The following SPNS3 variants were observed in gnomAD, a reference collection of about 807,000 sequenced individuals.
SPNS3 encodes the protein SPNS lysolipid transporter 3, sphingosine-1-phosphate (putative).
A neutral mutation model predicts 54.4 loss-of-function variants in SPNS3; 51 were observed. The observed-to-expected ratio is 0.94, with a 90% CI of 0.75 to 1.18. The LOEUF (loss-of-function observed/expected upper bound fraction) is 1.18. Among genes scored for constraint, SPNS3 ranks in the 50% most tolerant of loss-of-function variants. The pLI is 0.00. For synonymous variants in SPNS3, 309 were observed against 294.7 expected, an observed-to-expected ratio of 1.05 and a Z score of -0.50; for missense variants, 669 against 677.4, an observed-to-expected ratio of 0.99 and a Z score of 0.14.
intron 9 of SPNS3, among the ~76,000 whole-genome samples, chr17:4,485,630 G>A (rs559196057): frequency 2.0e-5 from 3 of 152,114 alleles, no homozygotes; most frequent in South Asian, 2.1e-4. Context: ...TCCTGACCTC[G>A]GGTGATCCAC....
chr17:4,485,178 T>C (rs1348592074), intron 9 of SPNS3: 1 of 152,106 alleles, frequency 6.6e-6, no homozygotes, highest in Non-Finnish European at 1.5e-5. Context: ...GCATCCTGTC[T>C]CAGAGCGTTA....
At chr17:4,487,646 C>T in intron 11 of SPNS3, among the ~76,000 whole-genome samples, 160 bp from the exon 12 acceptor site, 1 of 152,236 alleles carries the variant, frequency 6.6e-6, no homozygotes, top group South Asian at 2.1e-4. Flanking sequence ...GTGCCTAGAC[C>T]ACGCCAGTGG....
intron 9 of SPNS3, among the ~76,000 whole-genome samples, chr17:4,485,865 C>T (rs1029983619): frequency 1.4e-4 from 22 of 152,362 alleles, no homozygotes; most frequent in Admixed American, 7.2e-4. Flanking sequence ...GGCATGCACC[C>T]GCTCTTCGCC....
chr17:4,449,562 T>C (rs1971103779), intron 7 of SPNS3, among the ~76,000 whole-genome samples, 175 bp downstream of exon 7: 1 of 152,162 alleles, frequency 6.6e-6, no homozygotes. Flanking sequence ...TGGCTCTGGC[T>C]GAGCCTCTGC....
At position 4,487,201 on chromosome 17, in the gene SPNS3, A is replaced by AGGT. The variant is rs1972345863; in HGVS notation, c.1451-603_1451-601dup. 2.0e-5 allele frequency among the ~76,000 whole-genome samples: 3 copies of AGGT among 147,112 alleles called. No homozygotes were observed. In the South Asian group the frequency reaches 6.5e-4, roughly 32 times the overall value. On this transcript the variant is annotated intron_variant, in intron 11 of 11. Coordinates refer to ENST00000355530, the MANE Select transcript of SPNS3 (RefSeq NM_182538.5). ...AAAAAAAAAAAAAAAAGGGACAGGT[A>AGGT]GGTGCAGGCTGCAAGGATCCCCACT...
chr17:4,451,104 G>A lies in SPNS3; in HGVS notation c.923+1717G>A, dbSNP rs151231566. On this transcript the variant is annotated intron_variant, in intron 7 of 11. Transcript: ENST00000355530. ...CAATCCTAAGTCTCATGAATATCTC[G>A]AGAACCTGCCAAGGTCAGCCCAGAC... 6.9e-3 allele frequency among the ~76,000 whole-genome samples: 1,047 copies of A among 152,120 alleles called. 6 individuals are homozygous for A. Among genetic ancestry groups the A allele is most frequent in the African/African-American group, 0.023 (943 of 41,504 alleles).
intron 8 of SPNS3, among the ~76,000 whole-genome samples, chr17:4,466,862 C>CAA (rs1971689850): frequency 6.6e-6 from 1 of 152,074 alleles, no homozygotes; most frequent in Non-Finnish European, 1.5e-5. Flanking sequence ...AACAAACAAA[C>CAA]ACCATAGTAT....
intron 6 of SPNS3, 80 bp from the exon 7 acceptor site, chr17:4,449,155 G>T (rs1971085425): frequency 6.6e-7 from 1 of 1,507,380 alleles, no homozygotes; most frequent in Non-Finnish European, 8.9e-7. Flanking sequence ...TTCCTAGACT[G>T]CCCAGGAGTG....
At chr17:4,477,869 T>C (rs369520172) in intron 8 of SPNS3, among the ~76,000 whole-genome samples, 1 of 152,022 alleles carries the variant, frequency 6.6e-6, no homozygotes, top group African/African-American at 2.4e-5. Context: ...AGGTGCCTTA[T>C]CAGTGTATAC....
At chr17:4,452,388 C>T (rs1304312998) in intron 7 of SPNS3, among the ~76,000 whole-genome samples, 1 of 151,980 alleles carries the variant, frequency 6.6e-6, no homozygotes, top group East Asian at 1.9e-4. Context: ...CAGGTCTCCA[C>T]AGGAAGGATG....
intron 1 of SPNS3, among the ~76,000 whole-genome samples, chr17:4,434,904 A>G (rs1452069905): frequency 6.7e-6 from 1 of 149,142 alleles, no homozygotes; most frequent in Non-Finnish European, 1.5e-5. Flanking sequence ...TCCCAGGTTC[A>G]AGCGATTCCT....
chr17:4,486,338 C>T lies in SPNS3; in HGVS notation c.1278+12C>T. ...ATCTCACAGGACTTGTAAGACGTGT[C>T]TGCGTGTGTGGGGTGGGGAGGGTCT... On this transcript the variant is annotated intron_variant, in intron 10 of 11. Coordinates refer to ENST00000355530, the MANE Select transcript of SPNS3 (RefSeq NM_182538.5). The surrounding 1 kb of genome is among the most constrained non-coding windows in gnomAD (Gnocchi z 5.5). The T allele has an allele frequency of 6.3e-7, 1 of 1,594,610 alleles. No individual in the cohort carries two copies. Among genetic ancestry groups the T allele is most frequent in the Non-Finnish European group, 8.5e-7 (1 of 1,170,154 alleles).
intron 2 of SPNS3, among the ~76,000 whole-genome samples, chr17:4,440,477 G>GCTGC (rs1327762677): frequency 6.6e-6 from 1 of 152,188 alleles, no homozygotes; most frequent in Non-Finnish European, 1.5e-5. Flanking sequence ...GGGATACACA[G>GCTGC]TCACTTTCCA....
intron 8 of SPNS3, 26 bp downstream of exon 8, chr17:4,453,231 G>C (rs1450012683): frequency 6.3e-7 from 1 of 1,597,462 alleles, no homozygotes; most frequent in Non-Finnish European, 8.5e-7. Context: ...TATGGAGGTG[G>C]GGACAGGGTT....
rs1378083786 is a variant in SPNS3, at chr17:4,468,741, CTT to C, written c.1114-9829_1114-9828del. On this transcript the variant is annotated intron_variant, in intron 8 of 11. Coordinates refer to ENST00000355530, the MANE Select transcript of SPNS3 (RefSeq NM_182538.5). ...CTTTCTTTTCTTTCTTTCTTTCTTT[CTT>C]TCTTTCTTTCTTTCTTTCTCTCTTT... Among the ~76,000 whole-genome samples, 881 of 142,262 alleles carry C rather than the reference CTT, an allele frequency of 6.2e-3. 9 individuals are homozygous for C. Among genetic ancestry groups the C allele is most frequent in the African/African-American group, 0.023 (811 of 35,916 alleles). 93.3% of individuals were successfully genotyped at this position (142,262 alleles called of 152,430 possible).
chr17:4,457,377 G>A (rs944201274), intron 8 of SPNS3, among the ~76,000 whole-genome samples: 1 of 152,244 alleles, frequency 6.6e-6, no homozygotes, highest in African/African-American at 2.4e-5. Flanking sequence ...GGGTGACAGA[G>A]TAGGACCCTG....
intron 2 of SPNS3, among the ~76,000 whole-genome samples, chr17:4,444,019 T>C (rs1192831117): frequency 6.6e-6 from 1 of 152,162 alleles, no homozygotes; most frequent in East Asian, 1.9e-4. Context: ...GAGGATGGCT[T>C]GAGGCCAGGA....
chr17:4,453,093 A>AGAAAGT lies in SPNS3; in HGVS notation c.1002_1007dup (p.Lys335_Val336dup). ...GGGGCAGAAGCTGCGAGGAGGTACA[A>AGAAAGT]GAAAGTCATTCCAGGAGCTGAGCCC... On this transcript the variant is annotated inframe_insertion, in exon 8 of 12. Transcript: ENST00000355530. The AGAAAGT allele has an allele frequency of 6.2e-7, 1 of 1,614,094 alleles. No individual in the cohort carries two copies. Among genetic ancestry groups the AGAAAGT allele is most frequent in the Non-Finnish European group, 8.5e-7 (1 of 1,179,990 alleles).
chr17:4,487,298 G>A (rs981747630), intron 11 of SPNS3, among the ~76,000 whole-genome samples: 2 of 152,046 alleles, frequency 1.3e-5, no homozygotes, highest in East Asian at 1.9e-4. Flanking sequence ...GGGGAAAGAC[G>A]CTTCCGGCAG....
Sources: allele counts gnomAD v4.1 joint callset (sites outside exome capture counted in the v4.1 genomes callset), GRCh38; gene constraint gnomAD v4.1.1; non-coding constraint Gnocchi (gnomAD v3.1); transcripts MANE v1.5; gene names NCBI Gene and HGNC (gene_info 2026-07-23, HGNC 2026-07-21).